SESTD1: variants seen among roughly 807,000 people sequenced by gnomAD.
The protein encoded by SESTD1 is SEC14 domain and spectrin repeat-containing protein 1.
Under a neutral mutation model 101.7 loss-of-function variants are expected in SESTD1, and 43 were observed. The ratio of observed to expected loss-of-function variants is 0.42; its 90% CI spans 0.33 to 0.55. The LOEUF (loss-of-function observed/expected upper bound fraction) is 0.55, where lower values mean the gene tolerates loss of function less well. Ranked by LOEUF, SESTD1 falls within the 20% of genes least tolerant of loss-of-function variation. The pLI is 0.07. For missense variants in SESTD1, 647 were observed against 815.1 expected, an observed-to-expected ratio of 0.79 and a Z score of 2.51; for synonymous variants, 283 against 286.8, an observed-to-expected ratio of 0.99 and a Z score of 0.13.
Position 179,112,970 on chromosome 2 carries a change from C to T in SESTD1, c.1840-125G>A, listed in dbSNP as rs1407682519. ...ACACAGAAATGGAATCAAGCTCATA[C>T]AAATTTGGTAGATTAAAGGCATTTT... On this transcript the variant is annotated intron_variant, in intron 16 of 17. Coordinates refer to ENST00000428443, the MANE Select transcript of SESTD1 (RefSeq NM_178123.5). The T allele has an allele frequency of 1.9e-5, 24 of 1,296,948 alleles. No homozygotes were observed. In the South Asian group the frequency reaches 2.0e-4, roughly 11 times the overall value. 80.3% of individuals were successfully genotyped at this position (1,296,948 alleles called of 1,614,324 possible). A position where few individuals can be genotyped will look rare whatever the true frequency, so the allele number is the denominator to read the frequency against.
rs1430211942 is a variant in SESTD1 at position 179,220,138 on chromosome 2, T to C, written c.-25-28272A>G. 2.3e-4 allele frequency among the ~76,000 whole-genome samples: 35 copies of C among 152,062 alleles called. 1 individual carries two copies. The highest frequency in any genetic ancestry group is 2.3e-3 in the Admixed American group (35 of 15,272). On this transcript the variant is annotated intron_variant, in intron 1 of 17. Coordinates refer to ENST00000428443, the MANE Select transcript of SESTD1 (RefSeq NM_178123.5). ...AAAATGGTAATGACAGCCCACCACT[T>C]AAAAACCCTTTTCAAAAACTACAAT...
intron 5 of SESTD1, among the ~76,000 whole-genome samples, chr2:179,166,555 C>T (rs953173047): frequency 6.6e-6 from 1 of 152,124 alleles, no homozygotes; most frequent in African/African-American, 2.4e-5. Flanking sequence ...GGCAACATTA[C>T]CCACTAGGCT....
At chr2:179,116,949 A>G (rs758590319) in intron 14 of SESTD1, among the ~76,000 whole-genome samples, 159 bp from the exon 15 acceptor site, 22 of 152,230 alleles carry the variant, frequency 1.4e-4, no homozygotes, top group Non-Finnish European at 2.2e-4. Context: ...AGCTACATGA[A>G]TTAATGACCT....
chr2:179,146,315 A>G lies in SESTD1; in HGVS notation c.637+87T>C, dbSNP rs1475532267. 3 of 1,270,488 alleles carry G rather than the reference A, an allele frequency of 2.4e-6. No homozygotes were observed. The African/African-American group carries it at 4.5e-5, about 19-fold the overall frequency. The allele number at this position is 1,270,488 out of a possible 1,614,324, so 78.7% of individuals were successfully genotyped here. A position where few individuals can be genotyped will look rare whatever the true frequency, so the allele number is the denominator to read the frequency against. On this transcript the variant is annotated intron_variant, in intron 8 of 17. Transcript: ENST00000428443. ...CTTGAGTTCCTTCCACATGTACCACATTCATGCTGAATTCATGTTTATTTA... is the reference window on the plus strand; with the variant it reads ...CTTGAGTTCCTTCCACATGTACCACGTTCATGCTGAATTCATGTTTATTTA...
At position 179,209,961 on chromosome 2, in the gene SESTD1, G is replaced by T. The variant is rs1164836004; in HGVS notation, c.-25-18095C>A. Among the ~76,000 whole-genome samples the T allele has an allele frequency of 2.2e-5, 3 of 133,744 alleles. 1 individual carries two copies. The highest frequency in any genetic ancestry group is 4.8e-5 in the Non-Finnish European group (3 of 62,342). The allele number at this position is 133,744 out of a possible 152,430, so 87.7% of individuals were successfully genotyped here. ...AAACAAAAATCAATAGACCATTAATGAAATTAACCACGAAAAGTAGAGAGA... is the reference window on the plus strand; with the variant it reads ...AAACAAAAATCAATAGACCATTAATTAAATTAACCACGAAAAGTAGAGAGA... On this transcript the variant is annotated intron_variant, in intron 1 of 17. Transcript: ENST00000428443.
Position 179,104,356 on chromosome 2 carries a change from TAA to T in SESTD1, c.*5541_*5542del, listed in dbSNP as rs2044335408. 2.0e-5 allele frequency: 3 copies of T among 152,208 alleles called. No individual in the cohort carries two copies. The highest frequency in any genetic ancestry group is 7.2e-5 in the African/African-American group (3 of 41,552). 9.4% of individuals were successfully genotyped at this position (152,208 alleles called of 1,614,324 possible). A position where few individuals can be genotyped will look rare whatever the true frequency, so the allele number is the denominator to read the frequency against. ...AAATCTGTTGGCCATAAAGATAACA[TAA>T]GAGTTAAGATGAGAAAACATTCCTA... On this transcript the variant is annotated 3_prime_UTR_variant, in exon 18 of 18. Coordinates refer to ENST00000428443, the MANE Select transcript of SESTD1 (RefSeq NM_178123.5).
rs1323841712 is a variant in SESTD1, at chr2:179,209,079, T to C, written c.-25-17213A>G. On this transcript the variant is annotated intron_variant, in intron 1 of 17. Transcript: ENST00000428443. ...AAAGTGAGCAGGCGTGGCGTAGCTA[T>C]TCTTCTATCAGACAAAACTAAAGCA... Among the ~76,000 whole-genome samples the C allele has an allele frequency of 1.5e-5, 2 of 134,768 alleles. 1 individual carries two copies. Among genetic ancestry groups the C allele is most frequent in the Non-Finnish European group, 3.2e-5 (2 of 62,682 alleles). 88.4% of individuals were successfully genotyped at this position (134,768 alleles called of 152,430 possible).
At position 179,200,100 on chromosome 2, in the gene SESTD1, C is replaced by A. The variant is rs564121343; in HGVS notation, c.-25-8234G>T. Among the ~76,000 whole-genome samples, 331 of 152,228 alleles carry A rather than the reference C, an allele frequency of 2.2e-3. 3 individuals are homozygous for A. The highest frequency in any genetic ancestry group is 7.3e-3 in the African/African-American group (305 of 41,536). ...AGTCTCACGATACAAAATGAATGTA[C>A]AAAAATCACAAGCATTCTTATACAC... On this transcript the variant is annotated intron_variant, in intron 1 of 17. Transcript: ENST00000428443.
intron 1 of SESTD1, among the ~76,000 whole-genome samples, chr2:179,256,015 C>T (rs1279824761): frequency 6.6e-6 from 1 of 151,204 alleles, no homozygotes; most frequent in East Asian, 1.9e-4. Flanking sequence ...AGACCTGCTG[C>T]TCAGACAAAA....
At chr2:179,121,685 T>C (rs2044754492) in intron 13 of SESTD1, 85 bp downstream of exon 13, 1 of 1,195,638 alleles carries the variant, frequency 8.4e-7, no homozygotes, top group Non-Finnish European at 1.1e-6. Flanking sequence ...AAGAACGTTT[T>C]GTCTGTATAT....
At chr2:179,193,181 G>A (rs1490174043) in intron 1 of SESTD1, among the ~76,000 whole-genome samples, 1 of 152,088 alleles carries the variant, frequency 6.6e-6, no homozygotes, top group Non-Finnish European at 1.5e-5. Context: ...TTGTAACATT[G>A]GTCAGATAAT....
At chr2:179,165,792 A>G (rs889979571) in intron 5 of SESTD1, among the ~76,000 whole-genome samples, 1 of 152,204 alleles carries the variant, frequency 6.6e-6, no homozygotes, top group Non-Finnish European at 1.5e-5. Context: ...CAAAGTCTAC[A>G]TAATAGTCAA....
At chr2:179,130,392 G>C (rs1182825511) in intron 10 of SESTD1, among the ~76,000 whole-genome samples, 1 of 151,998 alleles carries the variant, frequency 6.6e-6, no homozygotes, top group East Asian at 1.9e-4. Context: ...TAAGCACATG[G>C]GAAGGGCCAC....
chr2:179,143,507 G>C, intron 9 of SESTD1, 85 bp downstream of exon 9: 1 of 1,154,276 alleles, frequency 8.7e-7, no homozygotes, highest in Non-Finnish European at 1.3e-6. Flanking sequence ...TTTCTATATA[G>C]TGTATATAAG....
chr2:179,157,143 A>G (rs1365675405), intron 5 of SESTD1, among the ~76,000 whole-genome samples: 2 of 152,192 alleles, frequency 1.3e-5, no homozygotes, highest in African/African-American at 4.8e-5. Context: ...AAAATAAAAT[A>G]CTTAGGGATA....
intron 17 of SESTD1, among the ~76,000 whole-genome samples, chr2:179,110,919 T>TG (rs2044491664): frequency 3.3e-5 from 5 of 152,188 alleles, no homozygotes; most frequent in Admixed American, 3.3e-4. Context: ...GTGTGAACTT[T>TG]GAATATATAG....
At chr2:179,124,019 G>T (rs1240429090) in intron 11 of SESTD1, among the ~76,000 whole-genome samples, 190 bp from the exon 12 acceptor site, 4 of 152,158 alleles carry the variant, frequency 2.6e-5, no homozygotes, top group Admixed American at 2.6e-4. Context: ...CATGCACCAG[G>T]AAGACAAAGA....
chr2:179,194,420 T>C (rs2046360752), intron 1 of SESTD1, among the ~76,000 whole-genome samples: 1 of 152,172 alleles, frequency 6.6e-6, no homozygotes. Context: ...GCTTTGGCTC[T>C]TTCAGTAGGG....
chr2:179,122,634 A>G (rs2044778372), intron 12 of SESTD1, among the ~76,000 whole-genome samples: 1 of 152,224 alleles, frequency 6.6e-6, no homozygotes, highest in Non-Finnish European at 1.5e-5. Flanking sequence ...TCATGCCTGT[A>G]ATCCCAGCAC....
Sources: gnomAD v4.1 joint callset for allele counts (sites outside exome capture counted in the v4.1 genomes callset) on GRCh38, gnomAD v4.1.1 for gene constraint, MANE v1.5 for transcripts, NCBI Gene and HGNC (gene_info 2026-07-23, HGNC 2026-07-21) for gene names.